Variants in ADAM18 observed in about 807,000 individuals in gnomAD.
ADAM18 encodes ADAM metallopeptidase domain 18.
In ADAM18, 117 loss-of-function variants were observed where a neutral mutation model predicts 94.4. The ratio of observed to expected loss-of-function variants is 1.24; its 90% CI spans 1.07 to 1.45. The LOEUF (loss-of-function observed/expected upper bound fraction) is 1.45. ADAM18 is among the 40% of genes most tolerant of loss of function. The pLI, the probability that ADAM18 is intolerant of heterozygous loss-of-function variation, is 0.00. For synonymous variants in ADAM18, 327 were observed against 291.6 expected (o/e 1.12, Z -1.24); for missense variants, 936 against 880.0 (o/e 1.06, Z -0.81).
intron 2 of ADAM18, among the ~76,000 whole-genome samples, chr8:39,594,332 C>T (rs558886390): frequency 2.6e-5 from 4 of 152,162 alleles, no homozygotes; most frequent in Admixed American, 2.0e-4. Flanking sequence ...TAATTTTTGC[C>T]TCAATCTTCA....
At chr8:39,680,948 A>T (rs1821439567) in intron 16 of ADAM18, among the ~76,000 whole-genome samples, 1 of 152,182 alleles carries the variant, frequency 6.6e-6, no homozygotes, top group Non-Finnish European at 1.5e-5. Context: ...GGTGTCAGCA[A>T]CCCTAATCCC....
chr8:39,692,695 T>C lies in ADAM18; in HGVS notation c.1902+15T>C. On this transcript the variant is annotated intron_variant, in intron 17 of 19. Transcript: ENST00000265707. Reference sequence around the variant, plus strand: ...AAGGGAAAGGGGTAAGTCACTTTTGTATCTGAATTGCATGTTATTCTTGTG... The same window carrying C: ...AAGGGAAAGGGGTAAGTCACTTTTGCATCTGAATTGCATGTTATTCTTGTG... 6.4e-7 allele frequency: 1 copy of C among 1,569,694 alleles called. No individual in the cohort carries two copies. The highest frequency in any genetic ancestry group is 2.3e-5 in the East Asian group (1 of 44,104).
At chr8:39,643,369 T>C (rs1820287291) in intron 10 of ADAM18, among the ~76,000 whole-genome samples, 2 of 152,106 alleles carry the variant, frequency 1.3e-5, no homozygotes, top group African/African-American at 4.8e-5. Context: ...TTTCCTCCTG[T>C]TTACTCTTTT....
rs529895811 is a variant in ADAM18 at position 39,651,242 on chromosome 8, A to T, written c.1230+2715A>T. Among the ~76,000 whole-genome samples the T allele has an allele frequency of 2.6e-5, 4 of 152,244 alleles. No individual in the cohort carries two copies. The East Asian group carries it at 7.7e-4, about 29-fold the overall frequency. The stretch of plus-strand genomic sequence containing the variant: ...ATATACAATCGGGTTTTACACCAAG[A>T]CGTTCCATTGCCCAGGGACAGCAGG... On this transcript the variant is annotated intron_variant, in intron 12 of 19. Coordinates refer to ENST00000265707, the MANE Select transcript of ADAM18 (RefSeq NM_014237.3).
At chr8:39,627,226 A>T (rs534123162) in intron 6 of ADAM18, among the ~76,000 whole-genome samples, 7 of 152,300 alleles carry the variant, frequency 4.6e-5, no homozygotes, top group African/African-American at 1.4e-4. Flanking sequence ...ACAGCTCCAC[A>T]TGGCTGGGGA....
intron 2 of ADAM18, among the ~76,000 whole-genome samples, chr8:39,599,076 G>A (rs888564962): frequency 1.3e-5 from 2 of 152,024 alleles, no homozygotes; most frequent in Non-Finnish European, 2.9e-5. Flanking sequence ...TTCCCAAAGC[G>A]CTAGGATTAC....
chr8:39,640,636 C>T (rs1322806589), intron 10 of ADAM18, among the ~76,000 whole-genome samples: 1 of 152,078 alleles, frequency 6.6e-6, no homozygotes, highest in Non-Finnish European at 1.5e-5. Flanking sequence ...GTAATTTACA[C>T]TCCCATGAAC....
chr8:39,605,225 G>T (rs939927204), intron 2 of ADAM18, among the ~76,000 whole-genome samples: 58 of 152,144 alleles, frequency 3.8e-4, no homozygotes, highest in African/African-American at 1.4e-3. Flanking sequence ...TGTTTGCCTT[G>T]GAAGAGAAAT....
intron 14 of ADAM18, among the ~76,000 whole-genome samples, chr8:39,675,412 A>G (rs1821272361): frequency 6.6e-6 from 1 of 152,146 alleles, no homozygotes; most frequent in African/African-American, 2.4e-5. Flanking sequence ...ACTTAATAGA[A>G]TCGGCTATTG....
At chr8:39,594,188 A>G (rs1428968812) in intron 2 of ADAM18, among the ~76,000 whole-genome samples, 1 of 152,144 alleles carries the variant, frequency 6.6e-6, no homozygotes, top group African/African-American at 2.4e-5. Context: ...GTAACTTTTC[A>G]CAGCCTACTG....
chr8:39,599,606 A>G (rs940087272), intron 2 of ADAM18, among the ~76,000 whole-genome samples: 4 of 152,126 alleles, frequency 2.6e-5, no homozygotes, highest in African/African-American at 9.7e-5. Context: ...AATTTCACTA[A>G]TCATTTTTCT....
At chr8:39,714,100 C>T (rs540183350) in intron 18 of ADAM18, among the ~76,000 whole-genome samples, 1 of 152,242 alleles carries the variant, frequency 6.6e-6, no homozygotes, top group Admixed American at 6.5e-5. Flanking sequence ...CCATGGAATA[C>T]TATGCACCCA....
intron 19 of ADAM18, among the ~76,000 whole-genome samples, chr8:39,729,448 T>C (rs1823011883): frequency 6.6e-6 from 1 of 152,306 alleles, no homozygotes; most frequent in South Asian, 2.1e-4. Flanking sequence ...CTCTATTGTT[T>C]TCATGTGTGA....
chr8:39,601,579 T>C, intron 2 of ADAM18, among the ~76,000 whole-genome samples: 1 of 152,230 alleles, frequency 6.6e-6, no homozygotes, highest in African/African-American at 2.4e-5. Context: ...TTTCTCTTTG[T>C]TCTCTTAATC....
chr8:39,712,791 G>A (rs181637829), intron 18 of ADAM18, among the ~76,000 whole-genome samples: 8 of 152,084 alleles, frequency 5.3e-5, no homozygotes, highest in Non-Finnish European at 1.0e-4. Flanking sequence ...AATAAAAGAG[G>A]ATACAAAGAA....
chr8:39,686,948 G>C (rs1821622308), intron 16 of ADAM18, among the ~76,000 whole-genome samples: 1 of 152,160 alleles, frequency 6.6e-6, no homozygotes, highest in South Asian at 2.1e-4. Context: ...AGTTAGCTAA[G>C]AGTGCCTTCA....
chr8:39,718,747 T>A (rs1391673053), intron 18 of ADAM18, among the ~76,000 whole-genome samples: 1 of 90,506 alleles, frequency 1.1e-5, no homozygotes, highest in Non-Finnish European at 3.0e-5. Context: ...TCACAAAAAA[T>A]AGCATCAGAA....
chr8:39,727,426 C>T (rs1033061093), intron 19 of ADAM18, among the ~76,000 whole-genome samples: 3 of 152,168 alleles, frequency 2.0e-5, no homozygotes, highest in East Asian at 1.9e-4. Context: ...TTACTTTGCT[C>T]CCCCATCTGA....
At chr8:39,590,427 G>A (rs1191392452) in intron 2 of ADAM18, among the ~76,000 whole-genome samples, 2 of 152,152 alleles carry the variant, frequency 1.3e-5, no homozygotes, top group African/African-American at 4.8e-5. Context: ...ACACTCTGGG[G>A]ACTGTTGTCG....
Sources: allele counts gnomAD v4.1 joint callset (sites outside exome capture counted in the v4.1 genomes callset), GRCh38; gene constraint gnomAD v4.1.1; transcripts MANE v1.5; gene names NCBI Gene and HGNC (gene_info 2026-07-23, HGNC 2026-07-21).